The following CRTAC1 variants were observed in gnomAD, a reference collection of about 807,000 sequenced individuals.
The protein encoded by CRTAC1 is acidic secreted protein in cartilage.
A neutral mutation model predicts 67.8 loss-of-function variants in CRTAC1; 37 were observed. The ratio of observed to expected loss-of-function variants is 0.55; its 90% CI spans 0.42 to 0.72. The LOEUF (loss-of-function observed/expected upper bound fraction) is 0.72. Ranked by LOEUF, CRTAC1 falls within the 30% of genes least tolerant of loss-of-function variation. The pLI, the probability that CRTAC1 is intolerant of heterozygous loss-of-function variation, is 0.00. For synonymous variants in CRTAC1, 348 were observed against 371.0 expected, an observed-to-expected ratio of 0.94 and a Z score of 0.71; for missense variants, 780 against 931.6, an observed-to-expected ratio of 0.84 and a Z score of 2.12.
intron 2 of CRTAC1, among the ~76,000 whole-genome samples, chr10:97,965,430 C>G (rs780846818): frequency 1.3e-5 from 2 of 152,078 alleles, no homozygotes; most frequent in Non-Finnish European, 2.9e-5. Context: ...CCCCCTTTTT[C>G]ATTTCCACCC....
chr10:98,014,939 A>G (rs1410319664), intron 1 of CRTAC1, among the ~76,000 whole-genome samples: 2 of 152,238 alleles, frequency 1.3e-5, no homozygotes, highest in African/African-American at 4.8e-5. Context: ...TAGCAATTCC[A>G]CTTGGGCATA....
At chr10:97,983,437 G>T (rs185777162) in intron 2 of CRTAC1, among the ~76,000 whole-genome samples, 1 of 151,888 alleles carries the variant, frequency 6.6e-6, no homozygotes, top group African/African-American at 2.4e-5. Flanking sequence ...ACAGAAATGA[G>T]TTACAGAACA....
chr10:98,022,325 A>C (rs773837233), intron 1 of CRTAC1, among the ~76,000 whole-genome samples: 2 of 152,060 alleles, frequency 1.3e-5, no homozygotes, highest in Non-Finnish European at 2.9e-5. Context: ...ATTGCACTCT[A>C]GCCTGGGCAA....
At chr10:97,994,149 G>A (rs574434666) in intron 2 of CRTAC1, among the ~76,000 whole-genome samples, 1 of 152,258 alleles carries the variant, frequency 6.6e-6, no homozygotes, top group South Asian at 2.1e-4. Flanking sequence ...GAGCCACCGC[G>A]CCTGGCCTAG....
At chr10:97,904,957 A>G in intron 6 of CRTAC1, 143 bp from the exon 7 acceptor site, 1 of 947,286 alleles carries the variant, frequency 1.1e-6, no homozygotes, top group African/African-American at 1.7e-5. Flanking sequence ...ACATAGCTGC[A>G]GTCTCAGAAG....
At position 97,901,597 on chromosome 10, in the gene CRTAC1, T is replaced by C. The variant is rs778252247; in HGVS notation, c.1039A>G (p.Thr347Ala). 6.2e-7 allele frequency: 1 copy of C among 1,614,062 alleles called. No homozygotes were observed. Among genetic ancestry groups the C allele is most frequent in the South Asian group, 1.1e-5 (1 of 91,058 alleles). The change falls in exon 8 of 15, where the codon ACG (threonine) becomes GCG (alanine). Residue 347 changes from threonine to alanine, a missense_variant. Coordinates refer to ENST00000370597, the MANE Select transcript of CRTAC1 (RefSeq NM_018058.7). The part of the protein sequence containing the change: ...PKFSMPSPVR[T>A]VITADFDNDQ... Reference sequence around the variant, plus strand: ...TTGTCAAAGTCGGCGGTGATGACCGTGCGGACAGGGGAGGGCATGGAGAAC... The same window carrying C: ...TTGTCAAAGTCGGCGGTGATGACCGCGCGGACAGGGGAGGGCATGGAGAAC...
chr10:97,934,473 T>C (rs893779661), intron 3 of CRTAC1, among the ~76,000 whole-genome samples: 3 of 149,568 alleles, frequency 2.0e-5, no homozygotes, highest in Non-Finnish European at 4.5e-5. Context: ...CAGCACTGCC[T>C]GCCCCTGCCC....
At chr10:97,991,633 C>G (rs1842459089) in intron 2 of CRTAC1, among the ~76,000 whole-genome samples, 1 of 152,074 alleles carries the variant, frequency 6.6e-6, no homozygotes, top group South Asian at 2.1e-4. Context: ...CTGTGCTAAG[C>G]AATTTACATG....
At position 97,968,984 on chromosome 10, in the gene CRTAC1, G is replaced by A. The variant is rs181170125; in HGVS notation, c.225-32618C>T. ...ATACTGGAATTTCTCAGTCACATTT[G>A]GAGCTCTGCTGGTGGTCTTAATACC... On this transcript the variant is annotated intron_variant, in intron 2 of 14. Transcript: ENST00000370597. 1.5e-3 allele frequency among the ~76,000 whole-genome samples: 227 copies of A among 152,280 alleles called. 1 individual carries two copies. Among genetic ancestry groups the A allele is most frequent in the African/African-American group, 5.3e-3 (220 of 41,540 alleles).
intron 11 of CRTAC1, among the ~76,000 whole-genome samples, chr10:97,894,404 AT>A (rs959573455): frequency 4.6e-5 from 7 of 151,182 alleles, no homozygotes; most frequent in Admixed American, 4.6e-4. Context: ...TGCTTTTTTT[AT>A]TTTTTGAGAC....
intron 11 of CRTAC1, among the ~76,000 whole-genome samples, chr10:97,891,618 G>A (rs1050306560): frequency 3.3e-5 from 5 of 152,224 alleles, no homozygotes; most frequent in Non-Finnish European, 5.9e-5. Context: ...TTTCTTCTCT[G>A]CCTCTTTCCC....
chr10:97,883,490 G>A (rs1306007966), intron 12 of CRTAC1, among the ~76,000 whole-genome samples: 3 of 152,180 alleles, frequency 2.0e-5, no homozygotes, highest in Admixed American at 6.5e-5. Context: ...TCAATCAACC[G>A]TACTGATGAA....
At chr10:97,885,450 G>T (rs2050269688) in intron 11 of CRTAC1, among the ~76,000 whole-genome samples, 1 of 152,252 alleles carries the variant, frequency 6.6e-6, no homozygotes, top group Admixed American at 6.5e-5. Flanking sequence ...TACAGAAGAT[G>T]ATGGGAACCT....
At chr10:97,970,456 C>G (rs891204025) in intron 2 of CRTAC1, among the ~76,000 whole-genome samples, 1 of 152,204 alleles carries the variant, frequency 6.6e-6, no homozygotes, top group Non-Finnish European at 1.5e-5. Context: ...TCAGGGCCAG[C>G]GTGGTCTGCT....
intron 4 of CRTAC1, among the ~76,000 whole-genome samples, chr10:97,918,342 G>C (rs1242284930): frequency 6.6e-6 from 1 of 152,176 alleles, no homozygotes; most frequent in East Asian, 1.9e-4. Context: ...CTCCGTGCAA[G>C]AGTCATTCTC....
At chr10:97,908,347 T>C (rs879581494) in intron 5 of CRTAC1, among the ~76,000 whole-genome samples, 200 bp from the exon 6 acceptor site, 3 of 152,082 alleles carry the variant, frequency 2.0e-5, no homozygotes, top group Non-Finnish European at 4.4e-5. Context: ...GTAACAACAC[T>C]GATGAAGAGG....
At chr10:97,967,544 T>A (rs1208970726) in intron 2 of CRTAC1, among the ~76,000 whole-genome samples, 2 of 152,206 alleles carry the variant, frequency 1.3e-5, no homozygotes, top group Non-Finnish European at 2.9e-5. Context: ...ATCAAGGAAA[T>A]ATATGTGTGT....
chr10:97,926,149 T>C (rs1349012359), intron 3 of CRTAC1, among the ~76,000 whole-genome samples: 2 of 152,080 alleles, frequency 1.3e-5, no homozygotes, highest in Non-Finnish European at 2.9e-5. Flanking sequence ...GGTGGAGGCT[T>C]CAGCACAGGC....
intron 3 of CRTAC1, among the ~76,000 whole-genome samples, chr10:97,926,435 C>T (rs577184415): frequency 1.3e-4 from 20 of 152,236 alleles, no homozygotes; most frequent in South Asian, 8.3e-4. Flanking sequence ...AGCTTTGAGA[C>T]CCCAGGTCCA....
Sources: gnomAD v4.1 joint callset for allele counts (sites outside exome capture counted in the v4.1 genomes callset) on GRCh38, gnomAD v4.1.1 for gene constraint, MANE v1.5 for transcripts, NCBI Gene and HGNC (gene_info 2026-07-23, HGNC 2026-07-21) for gene names.